Variants in LCORL observed in about 807,000 individuals in gnomAD.
LCORL encodes the protein ligand dependent nuclear receptor corepressor like.
In LCORL, 41 loss-of-function variants were observed where a neutral mutation model predicts 141.8. The ratio of observed to expected loss-of-function variants is 0.29; its 90% confidence interval spans 0.23 to 0.38. The LOEUF is 0.38. Among genes scored for constraint, LCORL ranks in the 10% least tolerant of loss-of-function variants. The pLI is 1.00. For synonymous variants in LCORL, 618 were observed against 694.1 expected (o/e 0.89, Z 1.72); for missense variants, 1,759 against 2,035.0 (o/e 0.86, Z 2.61).
chr4:18,005,613 T>TGC (rs2109846737), intron 1 of LCORL, among the ~76,000 whole-genome samples: 1 of 152,338 alleles, frequency 6.6e-6, no homozygotes, highest in East Asian at 1.9e-4. Flanking sequence ...TTCTGAAATC[T>TGC]AGGCAGAGGT....
At chr4:17,972,721 T>C (rs1273883152) in intron 2 of LCORL, 99 bp downstream of exon 2, 4 of 421,618 alleles carry the variant, frequency 9.5e-6, no homozygotes, top group Non-Finnish European at 1.2e-5. Flanking sequence ...AATTGGATCA[T>C]AAATTCATGT....
chr4:17,985,609 G>A (rs975064466), intron 1 of LCORL, among the ~76,000 whole-genome samples: 38 of 151,734 alleles, frequency 2.5e-4, no homozygotes, highest in Admixed American at 3.3e-4. Flanking sequence ...TCTCATTTCC[G>A]TTTGGTAGAT....
chr4:17,944,267 C>A (rs569730416), intron 4 of LCORL, among the ~76,000 whole-genome samples: 6 of 152,134 alleles, frequency 3.9e-5, no homozygotes, highest in Non-Finnish European at 8.8e-5. Context: ...ACTATAGACC[C>A]CTGTTGTGCT....
intron 7 of LCORL, among the ~76,000 whole-genome samples, chr4:17,856,142 A>G (rs1240394561): frequency 1.3e-5 from 2 of 152,336 alleles, no homozygotes; most frequent in Non-Finnish European, 1.5e-5. Context: ...GCACTTAGTA[A>G]AGCCATGAAT....
chr4:17,867,498 G>A (rs1725819928), intron 7 of LCORL, among the ~76,000 whole-genome samples: 1 of 152,196 alleles, frequency 6.6e-6, no homozygotes, highest in South Asian at 2.1e-4. Flanking sequence ...CCATGGGCCA[G>A]ACTTCCCAAT....
intron 5 of LCORL, among the ~76,000 whole-genome samples, chr4:17,905,011 T>C (rs1013153766): frequency 2.6e-5 from 4 of 152,132 alleles, no homozygotes; most frequent in Admixed American, 6.5e-5. Flanking sequence ...CTTCAATATA[T>C]TTTTATAATA....
intron 4 of LCORL, among the ~76,000 whole-genome samples, chr4:17,928,219 C>A (rs1377032740): frequency 6.6e-6 from 1 of 152,062 alleles, no homozygotes; most frequent in Non-Finnish European, 1.5e-5. Flanking sequence ...TCAGCCTGGG[C>A]AGTATGGTAA....
At chr4:17,861,518 G>A (rs1164132355) in intron 7 of LCORL, among the ~76,000 whole-genome samples, 2 of 152,182 alleles carry the variant, frequency 1.3e-5, no homozygotes, top group Admixed American at 1.3e-4. Flanking sequence ...TGATGGGAGG[G>A]GCTGCTGTGA....
chr4:17,972,067 A>G (rs1716060718), intron 2 of LCORL, among the ~76,000 whole-genome samples: 1 of 151,808 alleles, frequency 6.6e-6, no homozygotes, highest in Non-Finnish European at 1.5e-5. Flanking sequence ...ATAGCAAAAA[A>G]GGCTCTATTT....
At chr4:17,880,400 T>G (rs1727405365) in intron 6 of LCORL, 1 of 853,382 alleles carries the variant, frequency 1.2e-6, no homozygotes, top group Non-Finnish European at 1.4e-6. Context: ...GTATTTTTTT[T>G]GTAGATCCTT....
intron 7 of LCORL, among the ~76,000 whole-genome samples, chr4:17,856,090 C>T (rs1409226916): frequency 2.6e-5 from 4 of 152,190 alleles, no homozygotes; most frequent in African/African-American, 7.2e-5. Context: ...ATTCCTTAAA[C>T]GATTCCAGTA....
intron 5 of LCORL, among the ~76,000 whole-genome samples, chr4:17,890,907 C>A (rs1330131922): frequency 1.3e-5 from 2 of 152,028 alleles, no homozygotes; most frequent in Non-Finnish European, 2.9e-5. Flanking sequence ...ATTTCTGATA[C>A]AGGATCTATT....
At chr4:17,898,652 G>GTTTTTTTTTTTTTTTTTT (rs34770223) in intron 5 of LCORL, among the ~76,000 whole-genome samples, 2 of 119,272 alleles carry the variant, frequency 1.7e-5, no homozygotes, top group Non-Finnish European at 3.5e-5. Context: ...CATTCTCACC[G>GTTTTTTTTTTTTTTTTTT]TTTTTTTTTT....
chr4:17,967,145 A>C (rs1715044409), intron 2 of LCORL, among the ~76,000 whole-genome samples: 1 of 152,214 alleles, frequency 6.6e-6, no homozygotes, highest in Non-Finnish European at 1.5e-5. Context: ...TAAGTGAAAG[A>C]AGCAAATCTT....
At chr4:17,847,591 A>T (rs1410260045) in intron 7 of LCORL, among the ~76,000 whole-genome samples, 1 of 152,266 alleles carries the variant, frequency 6.6e-6, no homozygotes, top group South Asian at 2.1e-4. Context: ...GCTAAAACGG[A>T]TGTGATTAAA....
intron 6 of LCORL, chr4:17,881,987 A>C: frequency 1.0e-6 from 1 of 983,686 alleles, no homozygotes; most frequent in South Asian, 4.7e-5. Context: ...GGTGAAAAAA[A>C]AAAAAAAGAG....
At chr4:17,842,460 C>A (rs975322716) in exon 8 of LCORL, 9 of 1,093,324 alleles carry the variant, frequency 8.2e-6, no homozygotes, top group South Asian at 1.3e-5. Context: ...AATTTTCTTG[C>A]GAATGAGAGA....
chr4:17,999,313 G>T (rs182834404), intron 1 of LCORL, among the ~76,000 whole-genome samples: 15 of 152,076 alleles, frequency 9.9e-5, no homozygotes, highest in African/African-American at 3.6e-4. Context: ...AATTAGCCGG[G>T]CGTGGTGGTG....
At chr4:18,011,413 T>G (rs1723758424) in intron 1 of LCORL, among the ~76,000 whole-genome samples, 2 of 150,876 alleles carry the variant, frequency 1.3e-5, no homozygotes, top group Non-Finnish European at 2.9e-5. Context: ...TATCTGATCA[T>G]GCTTATTACC....
Sources: gnomAD v4.1 joint callset for allele counts (sites outside exome capture counted in the v4.1 genomes callset) on GRCh38, gnomAD v4.1.1 for gene constraint, MANE v1.5 for transcripts, NCBI Gene and HGNC (gene_info 2026-07-23, HGNC 2026-07-21) for gene names.